FIGN: variants seen among roughly 807,000 people sequenced by gnomAD.
The protein encoded by FIGN is fidgetin.
A neutral mutation model predicts 51.3 loss-of-function variants in FIGN; 11 were observed. That is an observed-to-expected ratio of 0.21 (90% confidence interval 0.13 to 0.35). The LOEUF is 0.35. FIGN is among the 10% of genes least tolerant of loss of function. The pLI is 1.00. For missense variants in FIGN, 857 were observed against 943.6 expected (o/e 0.91, Z 1.20); for synonymous variants, 407 against 363.2 (o/e 1.12, Z -1.37).
intron 2 of FIGN, among the ~76,000 whole-genome samples, chr2:163,720,047 A>G (rs1684730324): frequency 6.6e-6 from 1 of 152,180 alleles, no homozygotes; most frequent in South Asian, 2.1e-4. Context: ...TTGTGGACAA[A>G]TGCACATGCA....
At chr2:163,673,793 C>A (rs1683916762) in intron 2 of FIGN, among the ~76,000 whole-genome samples, 1 of 152,054 alleles carries the variant, frequency 6.6e-6, no homozygotes, top group African/African-American at 2.4e-5. Context: ...TGGAGTCAGA[C>A]AGACCTGGCT....
intron 2 of FIGN, among the ~76,000 whole-genome samples, chr2:163,709,336 C>T (rs1684551848): frequency 6.6e-6 from 1 of 152,130 alleles, no homozygotes; most frequent in African/African-American, 2.4e-5. Context: ...TAGCTAATTA[C>T]ATGGGATCAT....
At chr2:163,715,610 G>A (rs570319197) in intron 2 of FIGN, among the ~76,000 whole-genome samples, 1 of 152,284 alleles carries the variant, frequency 6.6e-6, no homozygotes, top group South Asian at 2.1e-4. Flanking sequence ...AGAGGAAAGA[G>A]GGAATGAATG....
At chr2:163,720,895 A>G (rs1684746072) in intron 2 of FIGN, among the ~76,000 whole-genome samples, 1 of 152,146 alleles carries the variant, frequency 6.6e-6, no homozygotes, top group African/African-American at 2.4e-5. Context: ...ATAGTTTCAT[A>G]TTTTTCAAGA....
chr2:163,691,870 CT>C (rs1412574976), intron 2 of FIGN, among the ~76,000 whole-genome samples: 1 of 152,140 alleles, frequency 6.6e-6, no homozygotes, highest in Non-Finnish European at 1.5e-5. Context: ...ACAAAATGTT[CT>C]GTCCAAAGAA....
At chr2:163,629,603 C>G (rs560479840) in intron 2 of FIGN, among the ~76,000 whole-genome samples, 92 of 152,150 alleles carry the variant, frequency 6.0e-4, no homozygotes, top group Non-Finnish European at 9.0e-4. Context: ...AGGCCAAATC[C>G]AGTGTGATAT....
At chr2:163,623,498 C>T (rs541187529) in intron 2 of FIGN, among the ~76,000 whole-genome samples, 37 of 152,196 alleles carry the variant, frequency 2.4e-4, no homozygotes, top group Non-Finnish European at 4.4e-5. Flanking sequence ...TAATGCACCC[C>T]TATTATTACT....
chr2:163,684,939 ATTT>A (rs548647272), intron 2 of FIGN, among the ~76,000 whole-genome samples: 1 of 119,452 alleles, frequency 8.4e-6, no homozygotes, highest in African/African-American at 3.1e-5. Context: ...ATGCCTGGCT[ATTT>A]TTTTTTTTTT....
At chr2:163,714,377 T>C (rs145109932) in intron 2 of FIGN, among the ~76,000 whole-genome samples, 49 of 152,312 alleles carry the variant, frequency 3.2e-4, no homozygotes, top group African/African-American at 1.1e-3. Context: ...TGTTGACTAT[T>C]GTGTCTAATC....
chr2:163,631,769 G>C (rs151310742), intron 2 of FIGN, among the ~76,000 whole-genome samples: 1 of 152,256 alleles, frequency 6.6e-6, no homozygotes, highest in East Asian at 1.9e-4. Flanking sequence ...TATTTTGTTC[G>C]CAGCTACATC....
chr2:163,695,277 A>AGG, intron 2 of FIGN, among the ~76,000 whole-genome samples: 2 of 151,966 alleles, frequency 1.3e-5, no homozygotes, highest in African/African-American at 4.8e-5. Flanking sequence ...AAATTTTCCC[A>AGG]CTACTTAATC....
intron 2 of FIGN, among the ~76,000 whole-genome samples, chr2:163,640,536 A>G (rs1683291438): frequency 6.6e-6 from 1 of 152,150 alleles, no homozygotes; most frequent in Non-Finnish European, 1.5e-5. Context: ...TTTTAAATAT[A>G]ATTTACTATT....
chr2:163,634,670 A>T (rs1361698791), intron 2 of FIGN, among the ~76,000 whole-genome samples: 2 of 152,234 alleles, frequency 1.3e-5, no homozygotes, highest in African/African-American at 2.4e-5. Flanking sequence ...ATTACCTGTG[A>T]TAAGTAAACA....
chr2:163,644,842 T>G (rs1432087804), intron 2 of FIGN, among the ~76,000 whole-genome samples: 1 of 152,148 alleles, frequency 6.6e-6, no homozygotes, highest in African/African-American at 2.4e-5. Context: ...ATTATATGAT[T>G]TGATTAGATG....
chr2:163,690,704 T>A (rs1684226929), intron 2 of FIGN, among the ~76,000 whole-genome samples: 1 of 152,148 alleles, frequency 6.6e-6, no homozygotes, highest in African/African-American at 2.4e-5. Flanking sequence ...GTGGCTCAAG[T>A]ATATATAAAT....
chr2:163,715,224 C>T (rs547897726), intron 2 of FIGN, among the ~76,000 whole-genome samples: 4 of 152,154 alleles, frequency 2.6e-5, no homozygotes, highest in Non-Finnish European at 5.9e-5. Flanking sequence ...ATGTACAACT[C>T]GGCTCACACA....
At chr2:163,731,857 TTTA>T (rs925029356) in intron 2 of FIGN, among the ~76,000 whole-genome samples, 2 of 152,130 alleles carry the variant, frequency 1.3e-5, no homozygotes, top group Non-Finnish European at 2.9e-5. Context: ...ACAATGAGAC[TTTA>T]TTACCCTGCT....
At chr2:163,659,809 G>A (rs1440537425) in intron 2 of FIGN, among the ~76,000 whole-genome samples, 1 of 152,140 alleles carries the variant, frequency 6.6e-6, no homozygotes, top group African/African-American at 2.4e-5. Context: ...TGTGGCATGT[G>A]CATAGTAAAG....
chr2:163,722,093 G>A (rs191813049), intron 2 of FIGN, among the ~76,000 whole-genome samples: 1 of 152,258 alleles, frequency 6.6e-6, no homozygotes, highest in East Asian at 1.9e-4. Context: ...AACTGGTAAA[G>A]CTATTGAACA....
Sources: gnomAD v4.1 joint callset for allele counts (sites outside exome capture counted in the v4.1 genomes callset) on GRCh38, gnomAD v4.1.1 for gene constraint, MANE v1.5 for transcripts, NCBI Gene and HGNC (gene_info 2026-07-23, HGNC 2026-07-21) for gene names.